SNAP29: variants seen among roughly 807,000 people sequenced by gnomAD.
SNAP29 encodes synaptosome associated protein 29.
SNAP29 carries 13 observed loss-of-function variants against 27.9 expected under a neutral mutation model. The ratio of observed to expected loss-of-function variants is 0.47; its 90% confidence interval spans 0.30 to 0.74. SNAP29 has a LOEUF of 0.74. Ranked by LOEUF, SNAP29 falls within the 30% of genes least tolerant of loss-of-function variation. SNAP29 has a pLI of 0.06. For synonymous variants in SNAP29, 119 were observed against 127.1 expected (o/e 0.94, Z 0.43); for missense variants, 368 against 336.5 (o/e 1.09, Z -0.73).
At chr22:20,864,037 C>T (rs1928399781) in intron 1 of SNAP29, among the ~76,000 whole-genome samples, 1 of 152,044 alleles carries the variant, frequency 6.6e-6, no homozygotes, top group Non-Finnish European at 1.5e-5. Context: ...TTGTTTACAC[C>T]TTTTGGTGAG....
chr22:20,875,978 G>A (rs932783599), intron 2 of SNAP29, among the ~76,000 whole-genome samples: 3 of 151,816 alleles, frequency 2.0e-5, no homozygotes, highest in East Asian at 1.9e-4. Context: ...TAGCTAACAC[G>A]GTGAAACCCC....
Position 20,885,882 on chromosome 22 carries a change from C to G in SNAP29, c.620-1797C>G, listed in dbSNP as rs573011216. Among the ~76,000 whole-genome samples the G allele has an allele frequency of 3.9e-5, 6 of 152,352 alleles. No homozygotes were observed. The East Asian group carries it at 9.7e-4, about 25-fold the overall frequency. On this transcript the variant is annotated intron_variant, in intron 4 of 4. Transcript: ENST00000215730. ...CACACTCTTCCCGTCTTAACACTATCTCCCTGCTATTTCAGGATCTCAGGC... is the reference window on the plus strand; with the variant it reads ...CACACTCTTCCCGTCTTAACACTATGTCCCTGCTATTTCAGGATCTCAGGC...
At chr22:20,883,329 T>C in intron 3 of SNAP29, 142 bp from the exon 4 acceptor site, 1 of 651,768 alleles carries the variant, frequency 1.5e-6, no homozygotes, top group South Asian at 1.5e-5. Context: ...GCTGTGCTCC[T>C]CCCTCATCCC....
rs896929315 is a variant in SNAP29 at position 20,889,627 on chromosome 22, G to A, written c.*1791G>A. On this transcript the variant is annotated 3_prime_UTR_variant, in exon 5 of 5. Transcript: ENST00000215730. Reference sequence around the variant, plus strand: ...AAAGGCTGCTTAAAAGCATGAACCCGGGATGCAGAGCAGCTTTTGTGCACG... The same window carrying A: ...AAAGGCTGCTTAAAAGCATGAACCCAGGATGCAGAGCAGCTTTTGTGCACG... The A allele has an allele frequency of 3.3e-5, 5 of 152,182 alleles. No individual in the cohort carries two copies. The highest frequency in any genetic ancestry group is 6.5e-5 in the Admixed American group (1 of 15,268). 9.4% of individuals were successfully genotyped at this position (152,182 alleles called of 1,614,324 possible). A position where few individuals can be genotyped will look rare whatever the true frequency, so the allele number is the denominator to read the frequency against.
intron 2 of SNAP29, among the ~76,000 whole-genome samples, chr22:20,872,354 C>A (rs1015081553): frequency 1.3e-5 from 2 of 152,116 alleles, no homozygotes; most frequent in African/African-American, 4.8e-5. Context: ...GATTCTCCTG[C>A]CTCAGCCTCC....
Position 20,881,036 on chromosome 22 carries a change from C to T in SNAP29, c.435-13C>T. On this transcript the variant is annotated splice_polypyrimidine_tract_variant and intron_variant, in intron 2 of 4. Coordinates refer to ENST00000215730, the MANE Select transcript of SNAP29 (RefSeq NM_004782.4). ...TTTTAAACGTTTTCTTTTTTGTGAA[C>T]TTTTATCCAAAGATTGAAAGAAGCT... The T allele has an allele frequency of 6.3e-7, 1 of 1,578,944 alleles. No homozygotes were observed.
intron 2 of SNAP29, among the ~76,000 whole-genome samples, chr22:20,876,060 C>T (rs1022176488): frequency 1.5e-4 from 22 of 151,358 alleles, no homozygotes; most frequent in Admixed American, 7.2e-4. Flanking sequence ...GCTTGGGAGG[C>T]TGAGGCAGGA....
At chr22:20,880,693 T>C (rs1021612045) in intron 2 of SNAP29, among the ~76,000 whole-genome samples, 1 of 151,420 alleles carries the variant, frequency 6.6e-6, no homozygotes, top group African/African-American at 2.4e-5. Flanking sequence ...GCTACACTGC[T>C]TTTTTTTTCT....
chr22:20,865,047 A>G (rs573272470), intron 1 of SNAP29, among the ~76,000 whole-genome samples: 2 of 152,300 alleles, frequency 1.3e-5, no homozygotes, highest in South Asian at 4.1e-4. Flanking sequence ...TTGGTAAACT[A>G]TCAATGATTG....
Position 20,888,044 on chromosome 22 carries a change from G to A in SNAP29, c.*208G>A, listed in dbSNP as rs1929061666. The A allele has an allele frequency of 1.7e-6, 1 of 573,600 alleles. No homozygotes were observed. Among genetic ancestry groups the A allele is most frequent in the Non-Finnish European group, 3.1e-6 (1 of 323,228 alleles). 35.5% of individuals were successfully genotyped at this position (573,600 alleles called of 1,614,324 possible). A position where few individuals can be genotyped will look rare whatever the true frequency, so the allele number is the denominator to read the frequency against. On this transcript the variant is annotated 3_prime_UTR_variant, in exon 5 of 5. Coordinates refer to ENST00000215730, the MANE Select transcript of SNAP29 (RefSeq NM_004782.4). ...GTTAACACCTCACCAAGTTCTTCCA[G>A]CAAAATGCTTATTAGAGTTTTTGTC...
At chr22:20,876,200 C>T (rs908802685) in intron 2 of SNAP29, among the ~76,000 whole-genome samples, 1 of 150,102 alleles carries the variant, frequency 6.7e-6, no homozygotes, top group East Asian at 1.9e-4. Context: ...TTTTTGTGAT[C>T]CTGTCAAAAC....
rs201331673 is a variant in SNAP29 at position 20,865,354 on chromosome 22, C to CA, written c.238-4971dup. On this transcript the variant is annotated intron_variant, in intron 1 of 4. Transcript: ENST00000215730. ...TGGGTGACAAAGTGAGACCCTGTCT[C>CA]AAAAAAAAAAAAGAATTAGACCATT... is the stretch of plus-strand genomic sequence containing the variant. 2.5e-3 allele frequency among the ~76,000 whole-genome samples: 350 copies of CA among 140,154 alleles called. 4 individuals are homozygous for CA. In the East Asian group the frequency reaches 0.026, roughly 10 times the overall value. 91.9% of individuals were successfully genotyped at this position (140,154 alleles called of 152,430 possible). A position where few individuals can be genotyped will look rare whatever the true frequency, so the allele number is the denominator to read the frequency against.
intron 1 of SNAP29, among the ~76,000 whole-genome samples, chr22:20,866,647 GT>G (rs577125949): frequency 6.2e-4 from 95 of 152,254 alleles, no homozygotes; most frequent in Non-Finnish European, 1.2e-3. Flanking sequence ...TCCTGTGGGT[GT>G]TCCCTGCCGA....
In SNAP29 at chr22:20,870,287, G is replaced by A. The variant is rs200316118; in HGVS notation, c.238-50G>A. On this transcript the variant is annotated intron_variant, in intron 1 of 4. Transcript: ENST00000215730. ...GCTCCATGTGGTCCTTGACTGCCCT[G>A]GGGGAGAGTCACAGAAAGCTATAAT... 2.5e-5 allele frequency: 39 copies of A among 1,568,332 alleles called. No individual in the cohort carries two copies. The African/African-American group carries it at 4.3e-4, about 17-fold the overall frequency.
At chr22:20,865,181 C>T (rs868581112) in intron 1 of SNAP29, among the ~76,000 whole-genome samples, 1 of 151,864 alleles carries the variant, frequency 6.6e-6, no homozygotes, top group Non-Finnish European at 1.5e-5. Flanking sequence ...GTGGTAAAAC[C>T]CTGGCTCTAC....
chr22:20,876,533 C>T (rs1485595322), intron 2 of SNAP29, among the ~76,000 whole-genome samples: 1 of 149,724 alleles, frequency 6.7e-6, no homozygotes, highest in Non-Finnish European at 1.5e-5. Flanking sequence ...GCTAGGATTG[C>T]AGGCATGAGC....
intron 3 of SNAP29, 112 bp downstream of exon 3, chr22:20,881,246 C>T (rs916056802): frequency 6.5e-6 from 5 of 767,430 alleles, no homozygotes; most frequent in African/African-American, 3.5e-5. Flanking sequence ...TGGGCAGGGG[C>T]CCCAGCTGCT....
At chr22:20,861,141 C>T (rs1195592959) in intron 1 of SNAP29, among the ~76,000 whole-genome samples, 1 of 95,482 alleles carries the variant, frequency 1.0e-5, no homozygotes, top group African/African-American at 4.4e-5. Flanking sequence ...TTTTTTGAGA[C>T]AGATTCTCGC....
At chr22:20,866,288 C>A (rs1928457625) in intron 1 of SNAP29, among the ~76,000 whole-genome samples, 1 of 152,248 alleles carries the variant, frequency 6.6e-6, no homozygotes, top group Non-Finnish European at 1.5e-5. Context: ...CCAGCTGCCA[C>A]AGTCAGAGCC....
Sources: allele counts gnomAD v4.1 joint callset (sites outside exome capture counted in the v4.1 genomes callset), GRCh38; gene constraint gnomAD v4.1.1; transcripts MANE v1.5; gene names NCBI Gene and HGNC (gene_info 2026-07-23, HGNC 2026-07-21).